Variants in AFF1 observed in about 807,000 individuals in gnomAD.
AFF1 encodes AF4/FMR2 family member 1.
In AFF1, 48 loss-of-function variants were observed where a neutral mutation model predicts 121.7. The observed-to-expected ratio is 0.39, with a 90% CI of 0.31 to 0.50. The LOEUF (loss-of-function observed/expected upper bound fraction) is 0.50, where lower values mean the gene tolerates loss of function less well. Ranked by LOEUF, AFF1 falls within the 20% of genes least tolerant of loss-of-function variation. The pLI is 0.76. For synonymous variants in AFF1, 613 were observed against 563.0 expected (o/e 1.09, Z -1.26); for missense variants, 1,523 against 1,511.7 (o/e 1.01, Z -0.12).
intron 4 of AFF1, among the ~76,000 whole-genome samples, chr4:87,052,415 G>T (rs895167417): frequency 6.6e-6 from 1 of 151,856 alleles, no homozygotes; most frequent in African/African-American, 2.4e-5. Context: ...TGTCTCAACC[G>T]CTCCCTCCTC....
At chr4:87,064,556 A>G (rs1721138283) in intron 4 of AFF1, among the ~76,000 whole-genome samples, 1 of 152,200 alleles carries the variant, frequency 6.6e-6, no homozygotes, top group South Asian at 2.1e-4. Context: ...AACCTGGACA[A>G]CATGGTGAGA....
At chr4:87,133,073 T>A (rs760084807) in intron 19 of AFF1, among the ~76,000 whole-genome samples, 1 of 152,184 alleles carries the variant, frequency 6.6e-6, no homozygotes, top group Non-Finnish European at 1.5e-5. Flanking sequence ...CAGAGTCCTT[T>A]CTCTCTCTGT....
At chr4:86,999,303 A>G (rs1473137880) in intron 2 of AFF1, among the ~76,000 whole-genome samples, 5 of 152,182 alleles carry the variant, frequency 3.3e-5, no homozygotes, top group African/African-American at 1.2e-4. Flanking sequence ...ATTCCCAAGG[A>G]AGGAACTAAC....
Position 87,114,883 on chromosome 4 carries a change from C to T in AFF1, c.2050C>T (p.Pro684Ser). ...GAAGAAGAAGCACAAGAGCTCCCTCCCTGCCCCCTCTAAGGCTCTCTCAGG... is the reference window on the plus strand; with the variant it reads ...GAAGAAGAAGCACAAGAGCTCCCTCTCTGCCCCCTCTAAGGCTCTCTCAGG... ...SEKKKHKSSL[P>S]APSKALSGPE... Residue 684 changes from proline to serine, a missense_variant, in exon 12 of 21, where the codon CCT becomes TCT. Pro to Ser is a moderately conservative substitution (Grantham distance 74). This residue lies in a region of AFF1 where 905 missense variants were observed against 842.5 expected (regional missense o/e 1.07). Transcript: ENST00000395146. 6.2e-7 allele frequency: 1 copy of T among 1,613,460 alleles called. No individual in the cohort carries two copies. The highest frequency in any genetic ancestry group is 8.5e-7 in the Non-Finnish European group (1 of 1,179,754).
intron 2 of AFF1, among the ~76,000 whole-genome samples, chr4:87,009,854 T>TACA (rs1466271349): frequency 6.6e-6 from 1 of 152,238 alleles, no homozygotes; most frequent in Non-Finnish European, 1.5e-5. Flanking sequence ...CATGTACTAC[T>TACA]ACACATTAGT....
At chr4:86,948,118 T>G (rs903663610) in intron 1 of AFF1, among the ~76,000 whole-genome samples, 2 of 152,184 alleles carry the variant, frequency 1.3e-5, no homozygotes, top group Non-Finnish European at 2.9e-5. Flanking sequence ...TATTAGTATC[T>G]GCCTTGCAAC....
In AFF1 at chr4:87,046,279, C is replaced by A; in HGVS notation, c.152C>A (p.Pro51His). ...FPEKIPLFGE[P>H]YKTAKGDELS... ...GAAAAGATTCCCCTTTTTGGAGAGC[C>A]CTACAAGGTATTTACTGAACACTAG... Residue 51 changes from proline (P) to histidine (H), a missense_variant, in exon 3 of 21, where the codon CCC becomes CAC. Around this residue, in one of 5 missense-constraint regions of AFF1, gnomAD observed 369 missense variants for 367.2 expected, o/e 1.00. Coordinates refer to ENST00000395146, the MANE Select transcript of AFF1 (RefSeq NM_001166693.3). 6.2e-7 allele frequency: 1 copy of A among 1,611,794 alleles called. No homozygotes were observed. The highest frequency in any genetic ancestry group is 8.5e-7 in the Non-Finnish European group (1 of 1,179,492).
chr4:86,958,023 C>G (rs1043396539), intron 2 of AFF1, among the ~76,000 whole-genome samples: 3 of 152,034 alleles, frequency 2.0e-5, no homozygotes, highest in Non-Finnish European at 4.4e-5. Flanking sequence ...CCGTCTCACA[C>G]CTAATAAAAT....
At chr4:87,112,509 G>A (rs908406877) in intron 11 of AFF1, among the ~76,000 whole-genome samples, 1 of 152,144 alleles carries the variant, frequency 6.6e-6, no homozygotes, top group African/African-American at 2.4e-5. Context: ...AAGTTTCTTA[G>A]TTCTGTTCTG....
intron 1 of AFF1, among the ~76,000 whole-genome samples, chr4:86,937,884 G>A (rs1400675738): frequency 1.3e-5 from 2 of 152,204 alleles, no homozygotes; most frequent in Non-Finnish European, 2.9e-5. Flanking sequence ...GAGATTACAG[G>A]TGGAAGCCAC....
At chr4:86,961,779 C>A (rs373861912) in intron 2 of AFF1, among the ~76,000 whole-genome samples, 2 of 152,182 alleles carry the variant, frequency 1.3e-5, no homozygotes, top group East Asian at 3.9e-4. Context: ...TCTCAGAGCA[C>A]TTTGTGGTCT....
At position 87,094,884 on chromosome 4, in the gene AFF1, TG is replaced by T. The variant is rs776349918; in HGVS notation, c.1229-30del. ...TAAGGATCTTGTAAATATGTGTCATTGTGCTGCTTTGATGTTTCTCTCCCCC... is the reference window on the plus strand; with the variant it reads ...TAAGGATCTTGTAAATATGTGTCATTTGCTGCTTTGATGTTTCTCTCCCCC... On this transcript the variant is annotated intron_variant, in intron 7 of 20. Transcript: ENST00000395146. The T allele has an allele frequency of 8.1e-6, 13 of 1,606,696 alleles. 1 individual carries two copies. In the African/African-American group the frequency reaches 1.7e-4, roughly 21 times the overall value.
chr4:87,010,635 A>G (rs767408452), intron 2 of AFF1, among the ~76,000 whole-genome samples: 2 of 152,244 alleles, frequency 1.3e-5, no homozygotes, highest in Non-Finnish European at 2.9e-5. Flanking sequence ...GCAAGAATTA[A>G]CAGTGCTTTA....
chr4:86,970,818 G>A (rs1722888803), intron 2 of AFF1, among the ~76,000 whole-genome samples: 1 of 152,194 alleles, frequency 6.6e-6, no homozygotes, highest in Admixed American at 6.5e-5. Flanking sequence ...GCGAGGGGGA[G>A]CTTGTGCATA....
At position 86,980,959 on chromosome 4, in the gene AFF1, C is replaced by G. The variant is rs939273921; in HGVS notation, c.38+32388C>G. ...CGAGGCTTGAGGCACCCCCCCCCTC[C>G]ACCAAAAAAAAGGAAAGTAACAATG... On this transcript the variant is annotated intron_variant, in intron 2 of 20. Coordinates refer to ENST00000395146, the MANE Select transcript of AFF1 (RefSeq NM_001166693.3). Among the ~76,000 whole-genome samples, 9 of 148,826 alleles carry G rather than the reference C, an allele frequency of 6.0e-5. 1 individual carries two copies. Among genetic ancestry groups the G allele is most frequent in the Non-Finnish European group, 1.3e-4 (9 of 66,954 alleles).
chr4:87,127,166 T>TACCC, intron 15 of AFF1, 49 bp downstream of exon 15: 1 of 1,084,624 alleles, frequency 9.2e-7, no homozygotes, highest in Non-Finnish European at 1.3e-6. Flanking sequence ...TTGTTTTGCT[T>TACCC]CCCCCCCCCA....
chr4:87,119,428 A>G (rs939163715), intron 12 of AFF1, among the ~76,000 whole-genome samples: 4 of 151,928 alleles, frequency 2.6e-5, no homozygotes, highest in Admixed American at 6.6e-5. Context: ...AAAAAAAATT[A>G]GGCACAGTAG....
intron 2 of AFF1, among the ~76,000 whole-genome samples, chr4:86,983,719 CCAAAAAAAAAAA>C (rs1389346194): frequency 1.5e-5 from 2 of 129,722 alleles, no homozygotes; most frequent in African/African-American, 6.2e-5. Flanking sequence ...AAATGAAAAA[CCAAAAAAAAAAA>C]CAAAAAACAA....
At chr4:87,048,326 G>GA (rs1300900630) in intron 4 of AFF1, among the ~76,000 whole-genome samples, 6 of 151,848 alleles carry the variant, frequency 4.0e-5, no homozygotes, top group Non-Finnish European at 7.4e-5. Flanking sequence ...TTAAAACCAA[G>GA]AAAAAAAATA....
Sources: gnomAD v4.1 joint callset for allele counts (sites outside exome capture counted in the v4.1 genomes callset) on GRCh38, gnomAD v4.1.1 for gene constraint, gnomAD v4.1.1 regional missense constraint, MANE v1.5 for transcripts, NCBI Gene and HGNC (gene_info 2026-07-23, HGNC 2026-07-21) for gene names.